Variants in ADGRL3 observed in about 807,000 individuals in gnomAD.
ADGRL3 encodes calcium-independent alpha-latrotoxin receptor 3.
In ADGRL3, 62 loss-of-function variants were observed where a neutral mutation model predicts 153.5. That is an observed-to-expected ratio of 0.40 (90% confidence interval 0.33 to 0.50). The LOEUF (loss-of-function observed/expected upper bound fraction) is 0.50, where lower values mean the gene tolerates loss of function less well. Ranked by LOEUF, ADGRL3 falls within the 20% of genes least tolerant of loss-of-function variation. The pLI, the probability that ADGRL3 is intolerant of heterozygous loss-of-function variation, is 0.47. For missense variants in ADGRL3, 1,641 were observed against 1,859.4 expected (o/e 0.88, Z 2.16); for synonymous variants, 710 against 672.5 (o/e 1.06, Z -0.86).
chr4:61,925,930 C>T (rs576771463), intron 13 of ADGRL3, among the ~76,000 whole-genome samples: 8 of 152,206 alleles, frequency 5.3e-5, no homozygotes, highest in South Asian at 2.1e-4. Context: ...GGATACATTC[C>T]GAGAAATGCT....
intron 1 of ADGRL3, among the ~76,000 whole-genome samples, chr4:61,220,157 C>T (rs1744816210): frequency 1.3e-5 from 2 of 151,424 alleles, no homozygotes; most frequent in South Asian, 4.2e-4. Flanking sequence ...ACAAAGTCAT[C>T]CATGGCTGGA....
chr4:61,259,283 C>A (rs1249522015), intron 1 of ADGRL3, among the ~76,000 whole-genome samples: 6 of 151,882 alleles, frequency 4.0e-5, no homozygotes, highest in Admixed American at 3.3e-4. Context: ...ATTAGCCGGG[C>A]GTGGTGGCGG....
At chr4:61,810,230 G>C (rs1036730966) in intron 8 of ADGRL3, among the ~76,000 whole-genome samples, 1 of 152,154 alleles carries the variant, frequency 6.6e-6, no homozygotes, top group Non-Finnish European at 1.5e-5. Context: ...TTCTAAGAGA[G>C]TCTTGAGAGG....
At position 61,291,277 on chromosome 4, in the gene ADGRL3, G is replaced by A. The variant is rs559994707; in HGVS notation, c.-240+89512G>A. 2.8e-5 allele frequency among the ~76,000 whole-genome samples: 4 copies of A among 143,980 alleles called. No individual in the cohort carries two copies. In the South Asian group the frequency reaches 8.9e-4, roughly 32 times the overall value. 94.5% of individuals were successfully genotyped at this position (143,980 alleles called of 152,430 possible). On this transcript the variant is annotated intron_variant, in intron 1 of 26. Transcript: ENST00000683033. ...CACATTCATGAATTCAACCAACCAA[G>A]AATCAAAAATATTTGGGAAAAAAAA... is the stretch of plus-strand genomic sequence containing the variant.
intron 1 of ADGRL3, among the ~76,000 whole-genome samples, chr4:61,381,290 A>ATGTGTGT (rs1223839697): frequency 1.2e-4 from 12 of 98,018 alleles, no homozygotes; most frequent in African/African-American, 5.0e-4. Flanking sequence ...CCAATAAACA[A>ATGTGTGT]GTTTGTGTGT....
chr4:61,706,873 G>A (rs1000347040), intron 6 of ADGRL3, among the ~76,000 whole-genome samples: 29 of 151,996 alleles, frequency 1.9e-4, no homozygotes, highest in African/African-American at 7.0e-4. Context: ...TTACAACTTG[G>A]CTAACCATTT....
intron 6 of ADGRL3, among the ~76,000 whole-genome samples, chr4:61,690,360 T>C (rs935439165): frequency 5.3e-5 from 8 of 152,012 alleles, no homozygotes; most frequent in Non-Finnish European, 1.2e-4. Flanking sequence ...GGAAGATTGC[T>C]TGAGCCCAGG....
chr4:61,753,227 TGAA>T, intron 8 of ADGRL3, among the ~76,000 whole-genome samples: 1 of 122,426 alleles, frequency 8.2e-6, no homozygotes, highest in Non-Finnish European at 1.7e-5. Flanking sequence ...CACATTTCTG[TGAA>T]AAAAAAAAAA....
chr4:61,253,727 A>G (rs551800943), intron 1 of ADGRL3, among the ~76,000 whole-genome samples: 4 of 152,322 alleles, frequency 2.6e-5, no homozygotes, highest in Admixed American at 2.6e-4. Context: ...ATACATATAT[A>G]TATAGGATTA....
At chr4:61,215,243 G>T (rs987138298) in intron 1 of ADGRL3, among the ~76,000 whole-genome samples, 2 of 152,072 alleles carry the variant, frequency 1.3e-5, no homozygotes, top group East Asian at 3.9e-4. Context: ...CATATTTATG[G>T]GACAGAGTTT....
chr4:61,311,442 G>A (rs1485015286), intron 1 of ADGRL3, among the ~76,000 whole-genome samples: 2 of 152,152 alleles, frequency 1.3e-5, no homozygotes, highest in African/African-American at 4.8e-5. Context: ...CAAGGGATCT[G>A]GGAAGAGTAA....
chr4:61,370,636 A>T (rs1193100064), intron 1 of ADGRL3, among the ~76,000 whole-genome samples: 1 of 151,464 alleles, frequency 6.6e-6, no homozygotes, highest in Admixed American at 6.6e-5. Flanking sequence ...TGCTGAGGAG[A>T]GCTTTACTTC....
At chr4:61,706,763 AC>A (rs2151400475) in intron 6 of ADGRL3, among the ~76,000 whole-genome samples, 1 of 152,202 alleles carries the variant, frequency 6.6e-6, no homozygotes. Context: ...GTTCACTAAA[AC>A]TTTTTCCATA....
rs1011298469 is a variant in ADGRL3, at chr4:61,589,212, G to C, written c.473+1772G>C. Among the ~76,000 whole-genome samples, 7 of 152,064 alleles carry C rather than the reference G, an allele frequency of 4.6e-5. 1 individual carries two copies. Among genetic ancestry groups the C allele is most frequent in the Non-Finnish European group, 1.0e-4 (7 of 67,976 alleles). On this transcript the variant is annotated intron_variant, in intron 5 of 26. Coordinates refer to ENST00000683033, the MANE Select transcript of ADGRL3 (RefSeq NM_001387552.1). ...CCTCCTGGTGGTTTCACAAATATGA[G>C]TTGTCAGTTAGCTGAAATAACTTTG...
intron 4 of ADGRL3, among the ~76,000 whole-genome samples, chr4:61,527,879 C>G (rs1029597199): frequency 6.6e-5 from 10 of 152,238 alleles, no homozygotes; most frequent in Admixed American, 5.9e-4. Flanking sequence ...CCCACTTTAA[C>G]AGCATCATAT....
chr4:61,810,972 A>C (rs1457583128), intron 8 of ADGRL3, among the ~76,000 whole-genome samples: 1 of 152,114 alleles, frequency 6.6e-6, no homozygotes, highest in Non-Finnish European at 1.5e-5. Context: ...CTATCACCTC[A>C]AAAACAAACA....
At chr4:62,003,636 C>T (rs1477883352) in intron 21 of ADGRL3, among the ~76,000 whole-genome samples, 1 of 152,102 alleles carries the variant, frequency 6.6e-6, no homozygotes, top group African/African-American at 2.4e-5. Context: ...TTTTTAACCA[C>T]TCTGTATGGA....
chr4:61,749,581 T>C (rs2096723945), intron 8 of ADGRL3, among the ~76,000 whole-genome samples: 1 of 152,030 alleles, frequency 6.6e-6, no homozygotes, highest in South Asian at 2.1e-4. Context: ...AAATTGGAAA[T>C]CATCATTCTC....
At chr4:62,019,780 G>T (rs1452617537) in intron 21 of ADGRL3, among the ~76,000 whole-genome samples, 2 of 152,020 alleles carry the variant, frequency 1.3e-5, no homozygotes, top group Non-Finnish European at 2.9e-5. Flanking sequence ...GACATTCACT[G>T]TTCCATATAA....
Sources: gnomAD v4.1 joint callset for allele counts (sites outside exome capture counted in the v4.1 genomes callset) on GRCh38, gnomAD v4.1.1 for gene constraint, MANE v1.5 for transcripts, NCBI Gene and HGNC (gene_info 2026-07-23, HGNC 2026-07-21) for gene names.